KANSL1L: variants seen among roughly 807,000 people sequenced by gnomAD.
The protein encoded by KANSL1L is KAT8 regulatory NSL complex subunit 1-like protein.
Under a neutral mutation model 108.6 loss-of-function variants are expected in KANSL1L, and 25 were observed. The ratio of observed to expected loss-of-function variants is 0.23; its 90% CI spans 0.17 to 0.32. KANSL1L has a LOEUF of 0.32. Among genes scored for constraint, KANSL1L ranks in the 10% least tolerant of loss-of-function variants. The pLI, the probability that KANSL1L is intolerant of heterozygous loss-of-function variation, is 1.00. For synonymous variants in KANSL1L, 405 were observed against 395.1 expected (o/e 1.03, Z -0.30); for missense variants, 1,137 against 1,125.7 (o/e 1.01, Z -0.14).
At chr2:210,121,275 G>C (rs1385516213) in intron 3 of KANSL1L, among the ~76,000 whole-genome samples, 1 of 152,148 alleles carries the variant, frequency 6.6e-6, no homozygotes, top group African/African-American at 2.4e-5. Flanking sequence ...ACTGCATAAA[G>C]CAAATGTGGT....
chr2:210,024,349 T>TTTA (rs1302995544), intron 13 of KANSL1L, 148 bp from the exon 14 acceptor site: 1 of 499,062 alleles, frequency 2.0e-6, no homozygotes, highest in African/African-American at 2.0e-5. Flanking sequence ...CCTGGTGCTA[T>TTTA]TTATTATTTT....
intron 1 of KANSL1L, among the ~76,000 whole-genome samples, chr2:210,168,220 G>A: frequency 6.6e-6 from 1 of 151,946 alleles, no homozygotes; most frequent in Admixed American, 6.6e-5. Flanking sequence ...ATTCCTTTCT[G>A]TTTGTATCTT....
Position 210,025,195 on chromosome 2 carries a change from C to T in KANSL1L, c.2473G>A (p.Val825Ile). 1.3e-6 allele frequency: 2 copies of T among 1,595,842 alleles called. No homozygotes were observed. Among genetic ancestry groups the T allele is most frequent in the Non-Finnish European group, 1.7e-6 (2 of 1,163,370 alleles). ...KEEIEDLSDE[V>I]FSLRHKKYEE... ...TATTTTTTGTGCCTTAGGGAGAAGA[C>T]TTCATCAGAAAGATCTTCTATCTGG... Residue 825 changes from valine to isoleucine, a missense_variant, in exon 13 of 15, where the codon GTC becomes ATC. Val to Ile is a conservative substitution (Grantham distance 29, BLOSUM62 3). Around this residue, in one of 3 missense-constraint regions of KANSL1L, gnomAD observed 575 missense variants for 567.1 expected, o/e 1.01. Transcript: ENST00000281772.
At chr2:210,095,848 C>T (rs1374129118) in intron 5 of KANSL1L, among the ~76,000 whole-genome samples, 4 of 152,012 alleles carry the variant, frequency 2.6e-5, no homozygotes, top group Non-Finnish European at 5.9e-5. Context: ...AATACCTTTC[C>T]TTCAAGGAAA....
intron 3 of KANSL1L, among the ~76,000 whole-genome samples, chr2:210,115,752 T>A (rs1408983410): frequency 6.6e-6 from 1 of 152,158 alleles, no homozygotes; most frequent in Non-Finnish European, 1.5e-5. Flanking sequence ...CCCAAGAACT[T>A]TCCAAAACTT....
At chr2:210,116,154 C>T (rs945734082) in intron 3 of KANSL1L, among the ~76,000 whole-genome samples, 9 of 152,168 alleles carry the variant, frequency 5.9e-5, no homozygotes, top group Non-Finnish European at 1.3e-4. Context: ...ACAGGCAGTA[C>T]TTGCTGTGGC....
intron 4 of KANSL1L, among the ~76,000 whole-genome samples, chr2:210,103,340 G>A (rs982461387): frequency 6.6e-6 from 1 of 152,040 alleles, no homozygotes; most frequent in African/African-American, 2.4e-5. Flanking sequence ...GAAGGGGGGA[G>A]GGATAGCATT....
At chr2:210,079,864 A>G (rs1463003610) in intron 5 of KANSL1L, 1 of 148,026 alleles carries the variant, frequency 6.8e-6, no homozygotes, top group Non-Finnish European at 1.5e-5. Context: ...TGTAGTTTAG[A>G]TCCTTTGGGT....
chr2:210,100,052 A>G (rs2094778307), intron 4 of KANSL1L, among the ~76,000 whole-genome samples: 1 of 152,208 alleles, frequency 6.6e-6, no homozygotes, highest in Non-Finnish European at 1.5e-5. Flanking sequence ...GTACCTGTCC[A>G]TGGCCTGTTA....
At chr2:210,028,751 G>T (rs2093973401) in intron 11 of KANSL1L, 94 bp downstream of exon 11, 1 of 928,840 alleles carries the variant, frequency 1.1e-6, no homozygotes, top group Non-Finnish European at 1.6e-6. Context: ...CTGGGAGAAG[G>T]ATGCTCCTTT....
chr2:210,133,394 C>G (rs890251504), intron 2 of KANSL1L, among the ~76,000 whole-genome samples: 3 of 151,958 alleles, frequency 2.0e-5, no homozygotes, highest in African/African-American at 7.2e-5. Flanking sequence ...AGATACAGAA[C>G]CTGGGAATAC....
At chr2:210,082,080 C>T (rs1192450292) in intron 5 of KANSL1L, among the ~76,000 whole-genome samples, 1 of 152,118 alleles carries the variant, frequency 6.6e-6, no homozygotes, top group African/African-American at 2.4e-5. Context: ...ACTACAGGTG[C>T]ATGCCACCAT....
Position 210,154,117 on chromosome 2 carries a change from T to C in KANSL1L, c.466A>G (p.Asn156Asp). The change falls in exon 2 of 15, where the codon AAT becomes GAT. Residue 156 changes from asparagine to aspartate, a missense_variant. Physicochemically the swap from Asn to Asp is conservative, Grantham distance 23. Around this residue, in one of 3 missense-constraint regions of KANSL1L, gnomAD observed 556 missense variants for 537.7 expected, o/e 1.03. Transcript: ENST00000281772. ...MKDVQIILDS[N>D]ITKDTNVDKV... ...TCTACATTAGTGTCTTTGGTTATATTTGAATCCAGAATAATTTGTACATCT... is the reference window on the plus strand; with the variant it reads ...TCTACATTAGTGTCTTTGGTTATATCTGAATCCAGAATAATTTGTACATCT... 6.2e-7 allele frequency: 1 copy of C among 1,614,122 alleles called. No homozygotes were observed. The highest frequency in any genetic ancestry group is 8.5e-7 in the Non-Finnish European group (1 of 1,179,984).
chr2:210,144,697 TTTTA>T (rs1423685223), intron 2 of KANSL1L, among the ~76,000 whole-genome samples: 1 of 152,184 alleles, frequency 6.6e-6, no homozygotes, highest in African/African-American at 2.4e-5. Flanking sequence ...AAACTCCTCA[TTTTA>T]TTTGTGTATT....
chr2:210,103,891 ACTT>A, intron 4 of KANSL1L: 1 of 287,688 alleles, frequency 3.5e-6, no homozygotes, highest in Non-Finnish European at 6.3e-6. Context: ...CAATTCCATT[ACTT>A]TACATATTAT....
At chr2:210,172,207 T>G (rs1688376516), upstream of KANSL1L, among the ~76,000 whole-genome samples, 3 of 152,224 alleles carry the variant, frequency 2.0e-5, no homozygotes, top group South Asian at 6.2e-4. Context: ...CCTGGGCACT[T>G]CCCCAGCCAA....
chr2:210,141,994 CTTTT>C (rs1052791722), intron 2 of KANSL1L, among the ~76,000 whole-genome samples: 96 of 139,602 alleles, frequency 6.9e-4, no homozygotes, highest in African/African-American at 2.2e-3. Context: ...GGCCTATAAT[CTTTT>C]TTTTTTTTTT....
intron 3 of KANSL1L, among the ~76,000 whole-genome samples, chr2:210,128,422 C>T (rs2095088818): frequency 6.6e-6 from 1 of 152,046 alleles, no homozygotes; most frequent in African/African-American, 2.4e-5. Flanking sequence ...AATTATTAGT[C>T]TTAAAAAGGA....
chr2:210,025,542 G>A (rs1026325206), intron 12 of KANSL1L, among the ~76,000 whole-genome samples: 7 of 151,948 alleles, frequency 4.6e-5, no homozygotes, highest in Admixed American at 1.3e-4. Context: ...GTGACAGGGC[G>A]AGACTCTGTC....
Sources: allele counts gnomAD v4.1 joint callset (sites outside exome capture counted in the v4.1 genomes callset), GRCh38; gene constraint gnomAD v4.1.1; regional missense constraint gnomAD v4.1.1; transcripts MANE v1.5; gene names NCBI Gene and HGNC (gene_info 2026-07-23, HGNC 2026-07-21).